Variants in MTA3 observed in about 807,000 individuals in gnomAD.
MTA3 encodes metastasis-associated protein MTA3.
MTA3 carries 34 observed loss-of-function variants against 83.5 expected under a neutral mutation model. That is an observed-to-expected ratio of 0.41 (90% CI 0.31 to 0.54). MTA3 has a LOEUF of 0.54. Among genes scored for constraint, MTA3 ranks in the 20% least tolerant of loss-of-function variants. MTA3 has a pLI of 0.33. For synonymous variants in MTA3, 303 were observed against 252.7 expected (o/e 1.20, Z -1.89); for missense variants, 761 against 726.4 (o/e 1.05, Z -0.55).
chr2:42,524,711 G>C (rs1572921766), intron 2 of MTA3, among the ~76,000 whole-genome samples: 1 of 151,586 alleles, frequency 6.6e-6, no homozygotes, highest in Middle Eastern at 3.4e-3. Flanking sequence ...TCATGCCAAA[G>C]ACAGATGCTC....
At chr2:42,559,616 C>T (rs531103329) in intron 2 of MTA3, among the ~76,000 whole-genome samples, 1 of 151,932 alleles carries the variant, frequency 6.6e-6, no homozygotes, top group Non-Finnish European at 1.5e-5. Flanking sequence ...CAGTGGCTCA[C>T]GCCTGTAATC....
intron 7 of MTA3, among the ~76,000 whole-genome samples, chr2:42,657,294 G>C (rs111529507): frequency 6.6e-6 from 1 of 152,168 alleles, no homozygotes; most frequent in Non-Finnish European, 1.5e-5. Flanking sequence ...CATAGAGCCA[G>C]TCACCATGGA....
chr2:42,555,561 CCATCCTGGCTACCA>C (rs964057958), intron 2 of MTA3, among the ~76,000 whole-genome samples: 5 of 144,914 alleles, frequency 3.5e-5, no homozygotes, highest in Non-Finnish European at 6.0e-5. Context: ...GAGATCGAGA[CCATCCTGGCTACCA>C]CAGTGAAACC....
chr2:42,664,112 T>A (rs1258356464), intron 8 of MTA3, among the ~76,000 whole-genome samples: 1 of 152,162 alleles, frequency 6.6e-6, no homozygotes, highest in Non-Finnish European at 1.5e-5. Context: ...TTTGTTAGAA[T>A]GACTTGGATT....
At chr2:42,719,237 ACCAGC>A (rs1573747778) in intron 15 of MTA3, among the ~76,000 whole-genome samples, 163 bp downstream of exon 15, 1 of 152,182 alleles carries the variant, frequency 6.6e-6, no homozygotes, top group East Asian at 1.9e-4. Context: ...AACTTTTATT[ACCAGC>A]ACACACAACA....
chr2:42,709,337 C>T lies in MTA3; in HGVS notation c.1525+241C>T. ...CTCTTTACCAGAGAGTAGTGCTTAG[C>T]AAAAGATTGGTGGGAGGTGATCCTA... On this transcript the variant is annotated intron_variant, in intron 14 of 16. Transcript: ENST00000405094. 3.1e-6 allele frequency: 4 copies of T among 1,307,916 alleles called. 1 individual carries two copies. In the South Asian group the frequency reaches 5.0e-5, roughly 16 times the overall value. The allele number at this position is 1,307,916 out of a possible 1,614,324, so 81.0% of individuals were successfully genotyped here.
chr2:42,604,950 T>TAGA (rs1683063329), intron 3 of MTA3, among the ~76,000 whole-genome samples: 2 of 148,820 alleles, frequency 1.3e-5, no homozygotes, highest in African/African-American at 4.9e-5. Flanking sequence ...TTTCTTAGTG[T>TAGA]AGAACAAAAT....
intron 9 of MTA3, among the ~76,000 whole-genome samples, chr2:42,687,694 C>A (rs948316382): frequency 6.6e-6 from 1 of 152,152 alleles, no homozygotes. Flanking sequence ...AATTCCCTTC[C>A]CGGTATGTTG....
At chr2:42,648,836 T>G (rs1161840914) in intron 6 of MTA3, among the ~76,000 whole-genome samples, 1 of 152,216 alleles carries the variant, frequency 6.6e-6, no homozygotes, top group African/African-American at 2.4e-5. Flanking sequence ...TAAAGTATGT[T>G]ATGAAAACCT....
chr2:42,636,565 A>G (rs2104283611), intron 4 of MTA3, among the ~76,000 whole-genome samples: 1 of 151,728 alleles, frequency 6.6e-6, no homozygotes, highest in Admixed American at 6.6e-5. Flanking sequence ...ACAAAACAAA[A>G]GAAGAAAGTC....
upstream of MTA3, among the ~76,000 whole-genome samples, chr2:42,563,762 G>A (rs1282543074): frequency 6.9e-6 from 1 of 145,000 alleles, no homozygotes; most frequent in Admixed American, 7.0e-5. Context: ...CACCATGCCC[G>A]GCCTGGACCA....
upstream of MTA3, among the ~76,000 whole-genome samples, chr2:42,565,022 G>A (rs575942466): frequency 1.2e-3 from 176 of 151,864 alleles, 1 homozygote; most frequent in South Asian, 4.6e-3. Flanking sequence ...ATGATCCGCC[G>A]GCCTCGGCCT....
chr2:42,609,403 T>G, intron 3 of MTA3, 55 bp from the exon 4 acceptor site: 2 of 1,541,714 alleles, frequency 1.3e-6, no homozygotes, highest in Non-Finnish European at 1.8e-6. Flanking sequence ...TGTTTCAATA[T>G]CCAAACAGAT....
chr2:42,655,004 A>G (rs146333922), intron 6 of MTA3, among the ~76,000 whole-genome samples: 1 of 152,272 alleles, frequency 6.6e-6, no homozygotes, highest in East Asian at 1.9e-4. Context: ...TGACATTCCC[A>G]AATCTCCTTT....
chr2:42,633,896 A>C (rs1686934890), intron 4 of MTA3, among the ~76,000 whole-genome samples: 1 of 152,192 alleles, frequency 6.6e-6, no homozygotes, highest in Non-Finnish European at 1.5e-5. Context: ...CTCAAAAAAA[A>C]AAAAAACATA....
intron 4 of MTA3, among the ~76,000 whole-genome samples, chr2:42,627,278 A>G (rs1023497109): frequency 1.2e-4 from 18 of 151,972 alleles, no homozygotes; most frequent in Non-Finnish European, 2.1e-4. Flanking sequence ...TGGTCTCCCT[A>G]TGTTGTCCAG....
intron 2 of MTA3, among the ~76,000 whole-genome samples, chr2:42,538,760 T>G (rs1676379022): frequency 1.0e-5 from 1 of 98,216 alleles, no homozygotes; most frequent in African/African-American, 4.1e-5. Context: ...AAAAAAATGT[T>G]TTTTTTGTTT....
At chr2:42,677,336 A>T (rs895477477) in intron 8 of MTA3, among the ~76,000 whole-genome samples, 11 of 149,146 alleles carry the variant, frequency 7.4e-5, no homozygotes, top group African/African-American at 2.5e-4. Context: ...GATCTGATTT[A>T]TTTTTTTTTT....
intron 8 of MTA3, among the ~76,000 whole-genome samples, chr2:42,669,369 G>A (rs1690589318): frequency 6.6e-6 from 1 of 152,112 alleles, no homozygotes; most frequent in Non-Finnish European, 1.5e-5. Context: ...ACAAGCGTGA[G>A]CCACTGCGCC....
Sources: allele counts gnomAD v4.1 joint callset (sites outside exome capture counted in the v4.1 genomes callset), GRCh38; gene constraint gnomAD v4.1.1; transcripts MANE v1.5; gene names NCBI Gene and HGNC (gene_info 2026-07-23, HGNC 2026-07-21).